ABCC10: variants seen among roughly 807,000 people sequenced by gnomAD.
ABCC10 encodes the protein ATP binding cassette subfamily C member 10.
Under a neutral mutation model 143.2 loss-of-function variants are expected in ABCC10, and 110 were observed. The ratio of observed to expected loss-of-function variants is 0.77; its 90% confidence interval spans 0.66 to 0.90. The LOEUF (loss-of-function observed/expected upper bound fraction) is 0.90. Among genes scored for constraint, ABCC10 ranks in the 40% least tolerant of loss-of-function variants. The probability of loss-of-function intolerance (pLI) is 0.00; values close to 1 mark genes in which losing one functional copy is unlikely to be tolerated. For synonymous variants in ABCC10, 805 were observed against 846.7 expected (o/e 0.95, Z 0.85); for missense variants, 1,700 against 1,900.5 (o/e 0.89, Z 1.96).
chr6:43,445,374 C>G lies in ABCC10; in HGVS notation c.3030+60C>G, dbSNP rs1224337661. 12 of 1,542,130 alleles carry G rather than the reference C, an allele frequency of 7.8e-6. No individual in the cohort carries two copies. The Middle Eastern group carries it at 7.2e-4, about 93-fold the overall frequency. On this transcript the variant is annotated intron_variant, in intron 14 of 21. Transcript: ENST00000372530. ...AGTCCTAGCCCCTGTGGAGTGTCCT[C>G]CCAATACTCGGGCTCCACTGGGGAT...
chr6:43,440,059 T>A (rs111997645), intron 8 of ABCC10, among the ~76,000 whole-genome samples: 7,949 of 151,890 alleles, frequency 0.052, 277 homozygotes, highest in Admixed American at 0.083. Flanking sequence ...CGGGTTCAAG[T>A]AATTCTCTTG....
Position 43,443,850 on chromosome 6 carries a change from G to A in ABCC10, c.2417-83G>A. On this transcript the variant is annotated intron_variant, in intron 10 of 21. Transcript: ENST00000372530. This position sits in a 1 kb window ranked among gnomAD's most constrained non-coding sequence, Gnocchi z 4.2. ...TAGACGGGGAGGCCTGAGAGGATGAGAGGTGGGATCTGCACACGCACTGAG... is the reference window on the plus strand; with the variant it reads ...TAGACGGGGAGGCCTGAGAGGATGAAAGGTGGGATCTGCACACGCACTGAG... 7.3e-7 allele frequency: 1 copy of A among 1,374,490 alleles called. No individual in the cohort carries two copies. The highest frequency in any genetic ancestry group is 1.0e-6 in the Non-Finnish European group (1 of 962,758). The allele number at this position is 1,374,490 out of a possible 1,614,324, so 85.1% of individuals were successfully genotyped here.
At chr6:43,451,940 C>T (rs746387048), downstream of ABCC10, 16 of 1,614,024 alleles carry the variant, frequency 9.9e-6, 1 homozygote, top group South Asian at 1.5e-4. The surrounding 1 kb of genome is among the most constrained non-coding windows in gnomAD (Gnocchi z 4.4). Context: ...CAGCACTCAC[C>T]CTGCCTGTTC....
At position 43,432,299 on chromosome 6, in the gene ABCC10, G is replaced by T. The variant is rs776555851; in HGVS notation, c.319G>T (p.Val107Leu). ...PIGLEVLAGC[V>L]AAVAWISHSL... ...AGGGCTAGAGGTGTTGGCAGGGTGC[G>T]TGGCAGCTGTGGCCTGGATCAGCCA... The change falls in exon 3 of 22, where the codon GTG becomes TTG. Residue 107 changes from valine to leucine, a missense_variant. Val to Leu is a conservative substitution (Grantham distance 32). Coordinates refer to ENST00000372530, the MANE Select transcript of ABCC10 (RefSeq NM_001198934.2). 3 of 1,614,064 alleles carry T rather than the reference G, an allele frequency of 1.9e-6. No homozygotes were observed. The highest frequency in any genetic ancestry group is 2.5e-6 in the Non-Finnish European group (3 of 1,180,050).
chr6:43,438,600 T>C, intron 7 of ABCC10, 24 bp from the exon 8 acceptor site: 2 of 1,611,470 alleles, frequency 1.2e-6, no homozygotes, highest in Non-Finnish European at 1.7e-6. Context: ...CTGGTCCTCA[T>C]ATTGCTCGCC....
Position 43,435,790 on chromosome 6 carries a change from C to A in ABCC10, c.1648C>A (p.Pro550Thr). The change falls in exon 5 of 22, where the codon CCT becomes ACT. Residue 550 changes from proline (P) to threonine (T), a missense_variant. By Grantham distance (38) the Pro-to-Thr change is conservative. Coordinates refer to ENST00000372530, the MANE Select transcript of ABCC10 (RefSeq NM_001198934.2). Reference sequence around the variant, plus strand: ...GGCACTGGTGCGAATGCTCATTCTTCCTCTCAACAACTTCCCTTGGGTGAT... The same window carrying A: ...GGCACTGGTGCGAATGCTCATTCTTACTCTCAACAACTTCCCTTGGGTGAT... ...ALALVRMLILPLNNFPWVING... is the reference protein window; with the variant it reads ...ALALVRMLILTLNNFPWVING... The A allele has an allele frequency of 6.2e-7, 1 of 1,614,212 alleles. No homozygotes were observed. The highest frequency in any genetic ancestry group is 8.5e-7 in the Non-Finnish European group (1 of 1,180,028).
chr6:43,449,818 C>A (rs1444933166), intron 21 of ABCC10, 111 bp from the exon 22 acceptor site: 2 of 1,316,070 alleles, frequency 1.5e-6, no homozygotes, highest in African/African-American at 2.9e-5. Context: ...GGGCTAAAGC[C>A]TGTGGGGACA....
downstream of ABCC10, chr6:43,451,332 C>T: frequency 6.4e-7 from 1 of 1,569,098 alleles, no homozygotes; most frequent in Non-Finnish European, 8.6e-7. The surrounding 1 kb of genome is among the most constrained non-coding windows in gnomAD (Gnocchi z 4.4). Flanking sequence ...GTAGGGCAGC[C>T]CAGGTCAGTA....
chr6:43,447,927 G>C lies in ABCC10; in HGVS notation c.3949G>C (p.Ala1317Pro). ...CGTGGACACCAGCCAGCTGGAGCTG[G>C]CCCAGCTCAGGTCTGGGGGAGATGG... ...DGVDTSQLELAQLRSQLAIIP... is the reference protein window; with the variant it reads ...DGVDTSQLELPQLRSQLAIIP... Residue 1317 changes from alanine (A) to proline (P), a missense_variant, in exon 18 of 22, where the codon GCC becomes CCC. Coordinates refer to ENST00000372530, the MANE Select transcript of ABCC10 (RefSeq NM_001198934.2). 1 of 1,613,106 alleles carries C rather than the reference G, an allele frequency of 6.2e-7. No homozygotes were observed. Among genetic ancestry groups the C allele is most frequent in the Non-Finnish European group, 8.5e-7 (1 of 1,179,978 alleles).
Position 43,445,704 on chromosome 6 carries a change from C to G in ABCC10, c.3136C>G (p.Leu1046Val). 1 of 1,614,230 alleles carries G rather than the reference C, an allele frequency of 6.2e-7. No homozygotes were observed. The highest frequency in any genetic ancestry group is 8.5e-7 in the Non-Finnish European group (1 of 1,180,046). ...DDSLPFILNI[L>V]LANAAGLLGL... ...CAGCCTGCCCTTCATCCTCAACATC[C>G]TCCTGGCCAACGCGGCAGGCCTGCT... The change falls in exon 15 of 22, where the codon CTC becomes GTC. Residue 1046 changes from leucine to valine, a missense_variant. Leu to Val is a conservative substitution (Grantham distance 32, BLOSUM62 1). Coordinates refer to ENST00000372530, the MANE Select transcript of ABCC10 (RefSeq NM_001198934.2).
Position 43,444,313 on chromosome 6 carries a change from C to G in ABCC10, c.2649C>G (p.Gly883=). The change falls in exon 12 of 22, where the codon GGC becomes GGG. Residue 883 remains glycine (G), a synonymous_variant. Coordinates refer to ENST00000372530, the MANE Select transcript of ABCC10 (RefSeq NM_001198934.2). ...YQAYWKAVGQ[G]LALAILFSLL... ...CTTACTGGAAGGCCGTGGGCCAGGG[C>G]TTGGCCTTAGCCATCCTCTTCTCTC... 1 of 1,612,874 alleles carries G rather than the reference C, an allele frequency of 6.2e-7. No homozygotes were observed. The highest frequency in any genetic ancestry group is 8.5e-7 in the Non-Finnish European group (1 of 1,179,490).
intron 5 of ABCC10, 59 bp from the exon 6 acceptor site, chr6:43,436,079 C>T (rs1432386811): frequency 1.9e-6 from 3 of 1,611,418 alleles, no homozygotes; most frequent in South Asian, 1.1e-5. Context: ...ACATGATTTA[C>T]CCTCCCCAAA....
rs1018211142 is a variant in ABCC10, at chr6:43,438,281, G to A, written c.1955+268G>A. 5 of 1,251,308 alleles carry A rather than the reference G, an allele frequency of 4.0e-6. No individual in the cohort carries two copies. In the African/African-American group the frequency reaches 4.6e-5, roughly 11 times the overall value. The allele number at this position is 1,251,308 out of a possible 1,614,324, so 77.5% of individuals were successfully genotyped here. A position where few individuals can be genotyped will look rare whatever the true frequency, so the allele number is the denominator to read the frequency against. ...CAGCTATTCTTTCAGAAATGTGGCT[G>A]TGCAGAGAAGGGATCCAGAGAGGAG... On this transcript the variant is annotated intron_variant, in intron 7 of 21. Coordinates refer to ENST00000372530, the MANE Select transcript of ABCC10 (RefSeq NM_001198934.2).
chr6:43,441,740 T>A, intron 8 of ABCC10, 122 bp from the exon 9 acceptor site: 1 of 697,360 alleles, frequency 1.4e-6, no homozygotes. Context: ...CACCCCAAAT[T>A]TAAGTCTACT....
At chr6:43,446,001 C>A in intron 15 of ABCC10, 59 bp downstream of exon 15, 1 of 1,525,832 alleles carries the variant, frequency 6.6e-7, no homozygotes. Context: ...AGAGAGACCC[C>A]CAAGAAGAGG....
intron 21 of ABCC10, 60 bp from the exon 22 acceptor site, chr6:43,449,865 GGTCA>G: frequency 1.9e-6 from 3 of 1,577,550 alleles, no homozygotes; most frequent in Admixed American, 3.5e-5. Flanking sequence ...AGGGAAAGCA[GGTCA>G]GTGTTCTTAC....
At position 43,427,653 on chromosome 6, in the gene ABCC10, C is replaced by A; in HGVS notation, c.-116C>A. The A allele has an allele frequency of 7.1e-6, 3 of 422,382 alleles. No individual in the cohort carries two copies. Among genetic ancestry groups the A allele is most frequent in the Non-Finnish European group, 1.3e-5 (3 of 226,940 alleles). The allele number at this position is 422,382 out of a possible 1,614,324, so 26.2% of individuals were successfully genotyped here. A position where few individuals can be genotyped will look rare whatever the true frequency, so the allele number is the denominator to read the frequency against. ...GCAGTACTTTTTTTTTTTTTGCATA[C>A]ACCAGTTCTCAGGATATCGGAATCC... On this transcript the variant is annotated 5_prime_UTR_variant, in exon 1 of 22. Transcript: ENST00000372530.
At chr6:43,445,024 G>A (rs1187879211) in intron 13 of ABCC10, 86 bp downstream of exon 13, 1 of 1,581,320 alleles carries the variant, frequency 6.3e-7, no homozygotes, top group Non-Finnish European at 8.6e-7. Context: ...TATTCCAGAT[G>A]CTGTGACTTC....
Position 43,432,411 on chromosome 6 carries a change from C to T in ABCC10, c.431C>T (p.Ala144Val). Residue 144 changes from alanine (A) to valine (V), a missense_variant, in exon 3 of 22, where the codon GCT becomes GTT. Transcript: ENST00000372530. Reference protein sequence around the residue: ...LALALVALLPAPALVLTVLWH... With the variant: ...LALALVALLPVPALVLTVLWH... ...TTGGCCCTGGTAGCCTTGCTGCCAG[C>T]TCCAGCCCTAGTGCTGACCGTGTTG... 1.9e-6 allele frequency: 3 copies of T among 1,612,124 alleles called. No individual in the cohort carries two copies. Among genetic ancestry groups the T allele is most frequent in the Non-Finnish European group, 2.5e-6 (3 of 1,180,024 alleles).
Sources: allele counts gnomAD v4.1 joint callset (sites outside exome capture counted in the v4.1 genomes callset), GRCh38; gene constraint gnomAD v4.1.1; non-coding constraint Gnocchi (gnomAD v3.1); transcripts MANE v1.5; gene names NCBI Gene and HGNC (gene_info 2026-07-23, HGNC 2026-07-21).